The following CD226 variants were observed in gnomAD, a reference collection of about 807,000 sequenced individuals.
The protein encoded by CD226 is CD226 molecule, also known as CD226 antigen.
A neutral mutation model predicts 34.9 loss-of-function variants in CD226; 24 were observed. The observed-to-expected ratio is 0.69, with a 90% CI of 0.50 to 0.97. The LOEUF is 0.97. Ranked by LOEUF, CD226 falls within the 50% of genes least tolerant of loss-of-function variation. CD226 has a pLI of 0.00. For synonymous variants in CD226, 148 were observed against 147.4 expected (o/e 1.00, Z -0.03); for missense variants, 397 against 412.7 (o/e 0.96, Z 0.33).
At chr18:69,951,367 C>A (rs1568211100), upstream of CD226, among the ~76,000 whole-genome samples, 1 of 152,028 alleles carries the variant, frequency 6.6e-6, no homozygotes, top group Non-Finnish European at 1.5e-5. Flanking sequence ...ACATTCCATG[C>A]CAGAAAAACA....
chr18:69,914,520 C>T (rs1156495004), intron 2 of CD226, among the ~76,000 whole-genome samples: 2 of 152,130 alleles, frequency 1.3e-5, no homozygotes, highest in Non-Finnish European at 2.9e-5. Context: ...TGTGCCAAGT[C>T]CTATATATTG....
intron 2 of CD226, among the ~76,000 whole-genome samples, chr18:69,932,052 T>A (rs953680224): frequency 3.9e-5 from 6 of 152,192 alleles, no homozygotes; most frequent in African/African-American, 1.4e-4. Flanking sequence ...CATATTGGAT[T>A]AGATCCCACC....
At chr18:69,960,683 CA>C (rs1316961215), upstream of CD226, among the ~76,000 whole-genome samples, 1 of 152,194 alleles carries the variant, frequency 6.6e-6, no homozygotes, top group Non-Finnish European at 1.5e-5. Context: ...TTCCTGACCT[CA>C]AGTGATCCGC....
intron 4 of CD226, among the ~76,000 whole-genome samples, chr18:69,871,836 A>C (rs1328313978): frequency 6.6e-6 from 1 of 152,178 alleles, no homozygotes; most frequent in Admixed American, 6.5e-5. Flanking sequence ...TTCTGGTAGG[A>C]GTGGGAAGAT....
intron 1 of CD226, among the ~76,000 whole-genome samples, chr18:69,955,634 C>A (rs577873066): frequency 6.6e-6 from 1 of 152,000 alleles, no homozygotes; most frequent in Admixed American, 6.6e-5. Context: ...AAGGCCGAGG[C>A]GGGCGGATCA....
chr18:69,888,416 C>CTG (rs1984688709), intron 3 of CD226, among the ~76,000 whole-genome samples: 1 of 125,078 alleles, frequency 8.0e-6, no homozygotes, highest in Non-Finnish European at 1.6e-5. Context: ...TTTCCTTTCT[C>CTG]TTTTTTTTTT....
intron 2 of CD226, among the ~76,000 whole-genome samples, chr18:69,922,762 C>A (rs149163933): frequency 2.8e-4 from 43 of 152,272 alleles, no homozygotes; most frequent in African/African-American, 1.0e-3. Context: ...TCGCAGTCTA[C>A]CCAATTCCAC....
chr18:69,875,413 C>T (rs1288542556), intron 3 of CD226, among the ~76,000 whole-genome samples: 1 of 152,224 alleles, frequency 6.6e-6, no homozygotes. Context: ...GCTGGGATTA[C>T]AGGCATGAGC....
chr18:69,947,848 A>C lies in CD226; in HGVS notation c.-442T>G, dbSNP rs942619068. ...ATAAATAATAAGTGAAAGGTGGTGC[A>C]TGCATGGAGCAGAGAAGTCCTCACT... is the stretch of plus-strand genomic sequence containing the variant. On this transcript the variant is annotated 5_prime_UTR_variant, in exon 1 of 6. It removes an upstream start codon present in the reference 5' UTR. Coordinates refer to ENST00000582621, the MANE Select transcript of CD226 (RefSeq NM_001303618.2). 4 of 153,180 alleles carry C rather than the reference A, an allele frequency of 2.6e-5. No homozygotes were observed. The highest frequency in any genetic ancestry group is 7.2e-5 in the African/African-American group (3 of 41,588). The allele number at this position is 153,180 out of a possible 1,614,324, so 9.5% of individuals were successfully genotyped here. A position where few individuals can be genotyped will look rare whatever the true frequency, so the allele number is the denominator to read the frequency against.
chr18:69,928,565 G>C (rs1461882472), intron 2 of CD226, among the ~76,000 whole-genome samples: 1 of 152,200 alleles, frequency 6.6e-6, no homozygotes, highest in African/African-American at 2.4e-5. Flanking sequence ...GCTGAAGAAT[G>C]AGTACAGGTT....
At chr18:69,889,402 T>C (rs1788237) in intron 3 of CD226, among the ~76,000 whole-genome samples, 29,491 of 151,738 alleles carry the variant, frequency 0.19, 3,589 homozygotes, top group African/African-American at 0.35. Flanking sequence ...TGCACACCAG[T>C]TCAGACAATC....
chr18:69,896,177 A>T (rs1248051415), intron 2 of CD226, 132 bp from the exon 3 acceptor site: 76 of 1,371,544 alleles, frequency 5.5e-5, no homozygotes, highest in Non-Finnish European at 1.8e-5. Context: ...ACCTCTTTAT[A>T]CTACTTTTTT....
At chr18:69,892,073 A>C (rs142771257) in intron 3 of CD226, among the ~76,000 whole-genome samples, 19 of 152,312 alleles carry the variant, frequency 1.2e-4, no homozygotes, top group Middle Eastern at 3.4e-3. Context: ...CCTCAGCTCT[A>C]ATCATCAATG....
intron 2 of CD226, chr18:69,896,304 C>T (rs1444031515): frequency 7.1e-6 from 2 of 280,930 alleles, no homozygotes; most frequent in African/African-American, 4.6e-5. Context: ...GCCTCAGCCT[C>T]CTGAGTAGCT....
At chr18:69,950,848 CCA>C (rs1346933466), upstream of CD226, among the ~76,000 whole-genome samples, 4 of 152,038 alleles carry the variant, frequency 2.6e-5, no homozygotes, top group African/African-American at 7.2e-5. Flanking sequence ...AGATAACTGA[CCA>C]TCACCCATTT....
intron 2 of CD226, among the ~76,000 whole-genome samples, chr18:69,907,563 GC>G (rs2055271431): frequency 6.6e-6 from 1 of 152,154 alleles, no homozygotes; most frequent in African/African-American, 2.4e-5. Context: ...GCCCACCTCG[GC>G]CTCCCAAAGT....
intron 2 of CD226, among the ~76,000 whole-genome samples, chr18:69,937,330 GCTGT>G (rs1188309104): frequency 6.6e-6 from 1 of 152,102 alleles, no homozygotes; most frequent in East Asian, 1.9e-4. Context: ...CTAGAAAATA[GCTGT>G]CTATTTTCTA....
At position 69,856,768 on chromosome 18, in the gene CD226, AAT is replaced by A. The variant is rs1568148014; in HGVS notation, c.*7544_*7545del. 1 of 152,204 alleles carries A rather than the reference AAT, an allele frequency of 6.6e-6. No individual in the cohort carries two copies. Among genetic ancestry groups the A allele is most frequent in the Non-Finnish European group, 1.5e-5 (1 of 68,046 alleles). The allele number at this position is 152,204 out of a possible 1,614,324, so 9.4% of individuals were successfully genotyped here. On this transcript the variant is annotated 3_prime_UTR_variant, in exon 6 of 6. Coordinates refer to ENST00000582621, the MANE Select transcript of CD226 (RefSeq NM_001303618.2). ...ATATTTTGGACTAAATGAAAATAAA[AAT>A]AGAGCTTACCAAAACTTGTGGAACA...
At chr18:69,957,480 T>C (rs571640779), upstream of CD226, among the ~76,000 whole-genome samples, 60 of 152,308 alleles carry the variant, frequency 3.9e-4, no homozygotes, top group Admixed American at 1.3e-3. Context: ...CACCAGGCCA[T>C]GGCAACGTTA....
Sources: allele counts gnomAD v4.1 joint callset (sites outside exome capture counted in the v4.1 genomes callset), GRCh38; gene constraint gnomAD v4.1.1; transcripts MANE v1.5; gene names NCBI Gene and HGNC (gene_info 2026-07-23, HGNC 2026-07-21).